SOX6: variants seen among roughly 807,000 people sequenced by gnomAD.
SOX6 encodes transcription factor SOX-6.
In SOX6, 11 loss-of-function variants were observed where a neutral mutation model predicts 97.8. That is an observed-to-expected ratio of 0.11 (90% CI 0.07 to 0.19). The LOEUF (loss-of-function observed/expected upper bound fraction) is 0.19. Ranked by LOEUF, SOX6 falls within the 10% of genes least tolerant of loss-of-function variation. The pLI, the probability that SOX6 is intolerant of heterozygous loss-of-function variation, is 1.00. For synonymous variants in SOX6, 360 were observed against 371.4 expected (o/e 0.97, Z 0.35); for missense variants, 810 against 1,039.5 (o/e 0.78, Z 3.04).
intron 3 of SOX6, among the ~76,000 whole-genome samples, chr11:16,657,500 AG>A (rs1264657093): frequency 2.6e-5 from 4 of 152,208 alleles, no homozygotes; most frequent in African/African-American, 7.2e-5. Flanking sequence ...GAGTATGTTT[AG>A]TTTTGTAAGA....
At chr11:16,520,810 C>T (rs1366092698) in intron 4 of SOX6, among the ~76,000 whole-genome samples, 1 of 152,190 alleles carries the variant, frequency 6.6e-6, no homozygotes, top group African/African-American at 2.4e-5. Flanking sequence ...TAAAAAACGG[C>T]ACACCAGGAG....
chr11:16,127,656 C>A (rs1452314309), intron 6 of SOX6, among the ~76,000 whole-genome samples: 1 of 152,070 alleles, frequency 6.6e-6, no homozygotes, highest in Non-Finnish European at 1.5e-5. Flanking sequence ...TTTCCTTAAT[C>A]ATCATCATAA....
At chr11:16,384,897 G>A (rs1221163254) in intron 1 of SOX6, among the ~76,000 whole-genome samples, 1 of 151,974 alleles carries the variant, frequency 6.6e-6, no homozygotes, top group African/African-American at 2.4e-5. Flanking sequence ...ACAATTAATA[G>A]AGAAAATGCC....
intron 3 of SOX6, among the ~76,000 whole-genome samples, chr11:16,645,641 G>C (rs1590034666): frequency 6.6e-6 from 1 of 152,184 alleles, no homozygotes; most frequent in Non-Finnish European, 1.5e-5. Context: ...GACATACAGA[G>C]AGAATGCCAT....
intron 6 of SOX6, among the ~76,000 whole-genome samples, chr11:16,142,322 A>G (rs1850166571): frequency 6.6e-6 from 1 of 152,226 alleles, no homozygotes; most frequent in African/African-American, 2.4e-5. Flanking sequence ...TAACAAACAG[A>G]AAGGACATCC....
chr11:16,251,527 C>T (rs1853509000), intron 3 of SOX6, among the ~76,000 whole-genome samples: 1 of 151,978 alleles, frequency 6.6e-6, no homozygotes, highest in African/African-American at 2.4e-5. Flanking sequence ...CAGAAAACTT[C>T]CTGCAAAATA....
At chr11:16,011,754 G>A (rs1046754345) in intron 13 of SOX6, among the ~76,000 whole-genome samples, 1 of 152,052 alleles carries the variant, frequency 6.6e-6, no homozygotes, top group Non-Finnish European at 1.5e-5. Flanking sequence ...GTAGACATGG[G>A]GGGAGGGCAT....
upstream of SOX6, among the ~76,000 whole-genome samples, chr11:16,356,898 T>G (rs1481342049): frequency 6.6e-6 from 1 of 152,040 alleles, no homozygotes; most frequent in Admixed American, 6.6e-5. Context: ...GAGAAAAATA[T>G]CACAAGTTTT....
chr11:16,468,346 T>C (rs1860080688), intron 1 of SOX6, among the ~76,000 whole-genome samples: 1 of 152,234 alleles, frequency 6.6e-6, no homozygotes, highest in Admixed American at 6.5e-5. Context: ...AATGATAGTT[T>C]GCCTAGTTGC....
chr11:16,225,144 T>C (rs1378767253), intron 4 of SOX6, among the ~76,000 whole-genome samples: 1 of 152,082 alleles, frequency 6.6e-6, no homozygotes, highest in Non-Finnish European at 1.5e-5. Flanking sequence ...GAAATAACAA[T>C]TTATATTTTT....
intron 3 of SOX6, among the ~76,000 whole-genome samples, chr11:16,673,388 T>C (rs1847861227): frequency 6.6e-6 from 1 of 151,476 alleles, no homozygotes; most frequent in Admixed American, 6.6e-5. Context: ...GAGAAAAAAC[T>C]CAAATAAATG....
At chr11:16,534,286 T>G (rs1458090512) in intron 4 of SOX6, among the ~76,000 whole-genome samples, 1 of 152,142 alleles carries the variant, frequency 6.6e-6, no homozygotes, top group Non-Finnish European at 1.5e-5. Context: ...CCTTGAAAAC[T>G]TTAAAAACCA....
intron 4 of SOX6, among the ~76,000 whole-genome samples, chr11:16,609,434 G>A (rs957916165): frequency 4.6e-5 from 7 of 151,872 alleles, no homozygotes; most frequent in Admixed American, 2.0e-4. Flanking sequence ...ACAGTTCATC[G>A]AAAGAGACTT....
intron 6 of SOX6, among the ~76,000 whole-genome samples, chr11:16,171,682 G>A (rs566925896): frequency 1.3e-5 from 2 of 151,834 alleles, no homozygotes; most frequent in African/African-American, 2.4e-5. Context: ...TGACATTAAG[G>A]TGAACTGCCT....
At chr11:16,565,352 G>T (rs892058003) in intron 4 of SOX6, among the ~76,000 whole-genome samples, 38 of 152,132 alleles carry the variant, frequency 2.5e-4, no homozygotes, top group Admixed American at 1.4e-3. Flanking sequence ...AGGCCCAAAT[G>T]TCTACCAAAT....
At chr11:16,298,847 C>A (rs189024049) in intron 3 of SOX6, among the ~76,000 whole-genome samples, 13 of 151,924 alleles carry the variant, frequency 8.6e-5, no homozygotes, top group Admixed American at 8.5e-4. Flanking sequence ...ATTAAATACT[C>A]CTACCAAGAT....
intron 3 of SOX6, among the ~76,000 whole-genome samples, chr11:16,291,278 C>T (rs1006301923): frequency 3.5e-4 from 42 of 119,056 alleles, no homozygotes; most frequent in African/African-American, 1.3e-3. Context: ...TATATATATA[C>T]GAGGTGTTGT....
intron 2 of SOX6, among the ~76,000 whole-genome samples, chr11:16,335,571 C>G (rs1355690261): frequency 6.6e-6 from 1 of 152,132 alleles, no homozygotes; most frequent in Non-Finnish European, 1.5e-5. Flanking sequence ...ATGACAAAAT[C>G]TTACAAAAAA....
chr11:16,019,475 T>G (rs1854988440), intron 12 of SOX6, among the ~76,000 whole-genome samples: 1 of 152,078 alleles, frequency 6.6e-6, no homozygotes, highest in Non-Finnish European at 1.5e-5. Flanking sequence ...AAAATGATTA[T>G]CTCATGTTAT....
Sources: allele counts gnomAD v4.1 joint callset (sites outside exome capture counted in the v4.1 genomes callset), GRCh38; gene constraint gnomAD v4.1.1; transcripts MANE v1.5; gene names NCBI Gene and HGNC (gene_info 2026-07-23, HGNC 2026-07-21).